FRAS1: variants seen among roughly 807,000 people sequenced by gnomAD.
The protein encoded by FRAS1 is Fraser extracellular matrix complex subunit 1.
In FRAS1, 290 loss-of-function variants were observed where a neutral mutation model predicts 435.2. The ratio of observed to expected loss-of-function variants is 0.67; its 90% CI spans 0.61 to 0.73. The LOEUF (loss-of-function observed/expected upper bound fraction) is 0.73, where lower values mean the gene tolerates loss of function less well. FRAS1 is among the 30% of genes least tolerant of loss of function. The pLI is 0.00. For synonymous variants in FRAS1, 1,800 were observed against 1,851.0 expected (o/e 0.97, Z 0.71); for missense variants, 4,860 against 5,001.5 (o/e 0.97, Z 0.85).
intron 2 of FRAS1, among the ~76,000 whole-genome samples, chr4:78,184,155 G>A (rs959124629): frequency 3.3e-5 from 5 of 152,152 alleles, no homozygotes; most frequent in Admixed American, 2.0e-4. Flanking sequence ...TAGCAAAGCC[G>A]TGAAGTACAG....
intron 22 of FRAS1, among the ~76,000 whole-genome samples, chr4:78,367,946 A>G (rs1043068443): frequency 3.3e-5 from 5 of 152,224 alleles, no homozygotes; most frequent in Admixed American, 3.3e-4. Context: ...AGGCCTAATT[A>G]ATGTGATACT....
chr4:78,497,198 T>C (rs1720532666), intron 60 of FRAS1, among the ~76,000 whole-genome samples: 1 of 152,124 alleles, frequency 6.6e-6, no homozygotes, highest in African/African-American at 2.4e-5. Flanking sequence ...TATGGACTGA[T>C]TGTGGTCAAA....
In FRAS1 at chr4:78,384,139, C is replaced by A; in HGVS notation, c.3644C>A (p.Thr1215Lys). The A allele has an allele frequency of 6.3e-7, 1 of 1,587,510 alleles. No individual in the cohort carries two copies. The highest frequency in any genetic ancestry group is 8.6e-7 in the Non-Finnish European group (1 of 1,168,752). ...PQLINIQAFSTQAPYVLRNEV... is the reference protein window; with the variant it reads ...PQLINIQAFSKQAPYVLRNEV... ...CTGATCAACATACAAGCATTTTCAA[C>A]ACAGGTAATAAAAATGGCCACGTAA... The change falls in exon 28 of 74, where the codon ACA (threonine) becomes AAA (lysine). Residue 1215 changes from threonine (T) to lysine (K), a missense_variant. Physicochemically the swap from Thr to Lys is moderately conservative, Grantham distance 78. Transcript: ENST00000512123.
At chr4:78,335,239 G>A (rs1024232178) in intron 19 of FRAS1, among the ~76,000 whole-genome samples, 2 of 152,146 alleles carry the variant, frequency 1.3e-5, no homozygotes, top group Admixed American at 6.5e-5. Context: ...TCTGAGGATT[G>A]CTGGGCAGCT....
At chr4:78,191,694 C>T (rs1722542848) in intron 2 of FRAS1, among the ~76,000 whole-genome samples, 2 of 151,880 alleles carry the variant, frequency 1.3e-5, no homozygotes, top group Non-Finnish European at 2.9e-5. Context: ...CTCCCCGCTC[C>T]CCCCACCCCA....
At chr4:78,242,822 C>T (rs1725063827) in intron 3 of FRAS1, among the ~76,000 whole-genome samples, 1 of 152,140 alleles carries the variant, frequency 6.6e-6, no homozygotes, top group Admixed American at 6.6e-5. Context: ...CTAGAAATAA[C>T]CTAGTGTCAA....
chr4:78,179,930 T>C (rs1721926624), intron 2 of FRAS1, among the ~76,000 whole-genome samples: 1 of 152,206 alleles, frequency 6.6e-6, no homozygotes, highest in South Asian at 2.1e-4. Context: ...CACTCTTATA[T>C]ATATGAAGCT....
At chr4:78,160,248 C>T (rs528333085) in intron 2 of FRAS1, among the ~76,000 whole-genome samples, 6 of 152,196 alleles carry the variant, frequency 3.9e-5, no homozygotes, top group Non-Finnish European at 8.8e-5. Context: ...ATGTTTCTCT[C>T]AGTAAGAATG....
chr4:78,507,913 A>G (rs554635865), intron 62 of FRAS1, among the ~76,000 whole-genome samples: 4 of 152,346 alleles, frequency 2.6e-5, no homozygotes, highest in South Asian at 2.1e-4. Context: ...ACAAATGTCA[A>G]TAGTGTTGAG....
intron 20 of FRAS1, among the ~76,000 whole-genome samples, chr4:78,357,617 T>C (rs1255964762): frequency 6.6e-6 from 1 of 152,062 alleles, no homozygotes; most frequent in East Asian, 1.9e-4. Flanking sequence ...AAAGAACTTT[T>C]TCGGCCGGGT....
chr4:78,089,784 T>A (rs1741411024), intron 2 of FRAS1, among the ~76,000 whole-genome samples: 1 of 152,168 alleles, frequency 6.6e-6, no homozygotes, highest in South Asian at 2.1e-4. Context: ...GGTTCAAGGC[T>A]ACATGTGCAA....
intron 2 of FRAS1, 96 bp downstream of exon 2, chr4:78,066,112 T>C: frequency 3.5e-6 from 3 of 850,870 alleles, no homozygotes; most frequent in Non-Finnish European, 5.9e-6. Context: ...CATTGTAGAA[T>C]ATGTTTATTT....
intron 2 of FRAS1, among the ~76,000 whole-genome samples, chr4:78,189,376 T>C (rs1408710779): frequency 1.3e-5 from 2 of 152,206 alleles, no homozygotes; most frequent in Non-Finnish European, 2.9e-5. Context: ...TCTCTGATAT[T>C]CCTATAATGA....
rs1742435535 is a variant in FRAS1 at position 78,106,317 on chromosome 4, A to T, written c.108+40301A>T. Reference sequence around the variant, plus strand: ...GCAGGGCACAGGCAAACAAAAAGACAGCAGTAACCTCTGCAGACTTAAGTG... The same window carrying T: ...GCAGGGCACAGGCAAACAAAAAGACTGCAGTAACCTCTGCAGACTTAAGTG... On this transcript the variant is annotated intron_variant, in intron 2 of 73. Coordinates refer to ENST00000512123, the MANE Select transcript of FRAS1 (RefSeq NM_025074.7). Among the ~76,000 whole-genome samples the T allele has an allele frequency of 2.7e-5, 2 of 73,942 alleles. 1 individual carries two copies. The highest frequency in any genetic ancestry group is 9.1e-4 in the South Asian group (2 of 2,208). 48.5% of individuals were successfully genotyped at this position (73,942 alleles called of 152,430 possible).
intron 24 of FRAS1, among the ~76,000 whole-genome samples, chr4:78,373,594 A>T (rs957983993): frequency 4.6e-5 from 7 of 151,810 alleles, no homozygotes; most frequent in African/African-American, 1.7e-4. Flanking sequence ...CCTGACTAAC[A>T]TGGAGAAACC....
intron 2 of FRAS1, among the ~76,000 whole-genome samples, chr4:78,203,147 G>T (rs908192996): frequency 6.6e-6 from 1 of 152,198 alleles, no homozygotes; most frequent in Non-Finnish European, 1.5e-5. Context: ...GGTTCGATTT[G>T]TTTAACAAAT....
chr4:78,273,333 A>G (rs1414670675), intron 9 of FRAS1, among the ~76,000 whole-genome samples: 1 of 152,200 alleles, frequency 6.6e-6, no homozygotes, highest in Non-Finnish European at 1.5e-5. Flanking sequence ...TGCCCTGGTC[A>G]GAACTTCCAA....
chr4:78,400,703 GA>G, intron 29 of FRAS1, 30 bp from the exon 30 acceptor site: 1 of 1,603,732 alleles, frequency 6.2e-7, no homozygotes, highest in Non-Finnish European at 8.5e-7. Flanking sequence ...ACTTTGCTTG[GA>G]ACTAATTCTG....
intron 20 of FRAS1, among the ~76,000 whole-genome samples, chr4:78,356,143 G>A (rs570287439): frequency 6.6e-6 from 1 of 152,234 alleles, no homozygotes; most frequent in African/African-American, 2.4e-5. Flanking sequence ...CATTTGGCTG[G>A]CCACGGGGGT....
Sources: allele counts gnomAD v4.1 joint callset (sites outside exome capture counted in the v4.1 genomes callset), GRCh38; gene constraint gnomAD v4.1.1; transcripts MANE v1.5; gene names NCBI Gene and HGNC (gene_info 2026-07-23, HGNC 2026-07-21).